Variants in POMGNT1 observed in about 807,000 individuals in gnomAD.
The protein encoded by POMGNT1 is protein O-linked mannose N-acetylglucosaminyltransferase 1 (beta 1,2-).
POMGNT1 carries 67 observed loss-of-function variants against 95.6 expected under a neutral mutation model. The ratio of observed to expected loss-of-function variants is 0.70; its 90% CI spans 0.58 to 0.86. POMGNT1 has a LOEUF of 0.86. POMGNT1 is among the 40% of genes least tolerant of loss of function. The probability of loss-of-function intolerance (pLI) is 0.00; values close to 1 mark genes in which losing one functional copy is unlikely to be tolerated. For missense variants in POMGNT1, 719 were observed against 855.2 expected, an observed-to-expected ratio of 0.84 and a Z score of 1.99; for synonymous variants, 298 against 317.9, an observed-to-expected ratio of 0.94 and a Z score of 0.66.
Position 46,194,598 on chromosome 1 carries a change from C to A in POMGNT1, c.706G>T (p.Asp236Tyr), listed in dbSNP as rs201525710. 6.2e-7 allele frequency: 1 copy of A among 1,614,170 alleles called. No individual in the cohort carries two copies. Among genetic ancestry groups the A allele is most frequent in the Non-Finnish European group, 8.5e-7 (1 of 1,180,018 alleles). The change falls in exon 8 of 22, where the codon GAC becomes TAC. Residue 236 changes from aspartate (D) to tyrosine (Y), a missense_variant. Asp to Tyr is a radical substitution (Grantham distance 160, BLOSUM62 -3). Coordinates refer to ENST00000371984, the MANE Select transcript of POMGNT1 (RefSeq NM_017739.4). ...ACATCTGTCTTCAGCAGGACTGGGT[C>A]CCCCCAGGAAGAGAGGGCAGGTGAT... The part of the protein sequence containing the change: ...SKSPALSSWG[D>Y]PVLLKTDVPL...
At chr1:46,203,585 C>T (rs1658617755) in intron 1 of POMGNT1, 6 of 1,585,228 alleles carry the variant, frequency 3.8e-6, no homozygotes, top group African/African-American at 1.4e-5. Flanking sequence ...GCACCGGCCA[C>T]GACTTGGGGG....
intron 1 of POMGNT1, among the ~76,000 whole-genome samples, chr1:46,205,987 T>TA (rs1408998543): frequency 6.6e-6 from 1 of 152,228 alleles, no homozygotes; most frequent in African/African-American, 2.4e-5. Flanking sequence ...GTCCTGCCTC[T>TA]AGGCCTCGTC....
chr1:46,189,835 G>T lies in POMGNT1; in HGVS notation c.1785+19C>A, dbSNP rs374338433. 38 of 1,613,348 alleles carry T rather than the reference G, an allele frequency of 2.4e-5. No homozygotes were observed. The highest frequency in any genetic ancestry group is 2.9e-5 in the Non-Finnish European group (34 of 1,179,974). ...GTGAGGGGGAGGGGTTCTCCAGGGTGGGCATGGTATTGGAGCACCTTGGCA... is the reference window on the plus strand; with the variant it reads ...GTGAGGGGGAGGGGTTCTCCAGGGTTGGCATGGTATTGGAGCACCTTGGCA... On this transcript the variant is annotated intron_variant, in intron 20 of 21. Transcript: ENST00000371984.
intron 20 of POMGNT1, 109 bp from the exon 21 acceptor site, chr1:46,189,676 T>G: frequency 6.5e-7 from 1 of 1,550,064 alleles, no homozygotes; most frequent in Non-Finnish European, 8.7e-7. Flanking sequence ...CACCTCAATT[T>G]GTAAGAGATA....
intron 1 of POMGNT1, among the ~76,000 whole-genome samples, chr1:46,215,119 G>T (rs1032932863): frequency 1.3e-5 from 2 of 151,598 alleles, no homozygotes; most frequent in African/African-American, 4.8e-5. Flanking sequence ...CCAGCTGCTT[G>T]GGAGGCTGAG....
rs1353431801 is a variant in POMGNT1 at position 46,188,990 on chromosome 1, G to A, written c.*280C>T. 2 of 1,604,510 alleles carry A rather than the reference G, an allele frequency of 1.2e-6. No individual in the cohort carries two copies. Among genetic ancestry groups the A allele is most frequent in the Non-Finnish European group, 1.7e-6 (2 of 1,174,734 alleles). On this transcript the variant is annotated 3_prime_UTR_variant, in exon 22 of 22. Transcript: ENST00000371984. ...AGATTCTGAGCCAGGCCTGGAAAGT[G>A]AGGGTATTCAAAGGGCAGGATGAGC... is the stretch of plus-strand genomic sequence containing the variant.
chr1:46,208,611 G>A (rs181113573), intron 1 of POMGNT1, among the ~76,000 whole-genome samples: 9 of 152,304 alleles, frequency 5.9e-5, no homozygotes, highest in South Asian at 2.1e-4. Flanking sequence ...GGGAGGCCGA[G>A]GCGGGCGGAT....
At chr1:46,199,933 G>A (rs931107223), upstream of POMGNT1, among the ~76,000 whole-genome samples, 1 of 152,194 alleles carries the variant, frequency 6.6e-6, no homozygotes, top group African/African-American at 2.4e-5. Context: ...AGGTTGGGAG[G>A]CCGAGGTGGG....
At chr1:46,220,095 T>C (rs764417016) in exon 1 of POMGNT1, 3 of 1,614,206 alleles carry the variant, frequency 1.9e-6, no homozygotes, top group Non-Finnish European at 2.5e-6. Flanking sequence ...GAGAGCTGTG[T>C]GGAAGCCCCC....
chr1:46,203,323 G>C, upstream of POMGNT1: 1 of 982,692 alleles, frequency 1.0e-6, no homozygotes, highest in Non-Finnish European at 1.4e-6. Context: ...CCGCGCGGGC[G>C]GGGACCCACC....
chr1:46,202,908 G>GGGGGA (rs1553164811), upstream of POMGNT1, among the ~76,000 whole-genome samples: 1 of 104,018 alleles, frequency 9.6e-6, no homozygotes, highest in African/African-American at 4.0e-5. Context: ...CTAGCCCCTG[G>GGGGGA]GGGGGGGGGG....
intron 2 of POMGNT1, 143 bp from the exon 3 acceptor site, chr1:46,197,227 CCT>C: frequency 1.3e-6 from 2 of 1,569,676 alleles, no homozygotes; most frequent in Non-Finnish European, 1.7e-6. Flanking sequence ...GCTCTACTCC[CCT>C]GACCAGGGCC....
chr1:46,195,405 T>C, intron 6 of POMGNT1: 1 of 374,210 alleles, frequency 2.7e-6, no homozygotes, highest in Admixed American at 3.8e-5. Context: ...TGCTCACATA[T>C]CATCTCCTTG....
At position 46,188,737 on chromosome 1, in the gene POMGNT1, C is replaced by T. The variant is rs936298638; in HGVS notation, c.*533G>A. 13 of 1,607,258 alleles carry T rather than the reference C, an allele frequency of 8.1e-6. No homozygotes were observed. The highest frequency in any genetic ancestry group is 1.1e-5 in the Non-Finnish European group (13 of 1,176,062). Reference sequence around the variant, plus strand: ...GACCAACTTATCCAGCTTTGGAAATCTGGACAAAGAGAAGGCTGAGAGGAG... The same window carrying T: ...GACCAACTTATCCAGCTTTGGAAATTTGGACAAAGAGAAGGCTGAGAGGAG... On this transcript the variant is annotated 3_prime_UTR_variant, in exon 22 of 22. Coordinates refer to ENST00000371984, the MANE Select transcript of POMGNT1 (RefSeq NM_017739.4).
intron 19 of POMGNT1, 149 bp downstream of exon 19, chr1:46,190,324 G>T: frequency 1.9e-6 from 2 of 1,067,696 alleles, no homozygotes; most frequent in South Asian, 2.5e-5. Context: ...GATTACAGGC[G>T]TGAGCCACCG....
At chr1:46,211,487 A>G (rs1490463198) in intron 1 of POMGNT1, among the ~76,000 whole-genome samples, 1 of 151,382 alleles carries the variant, frequency 6.6e-6, no homozygotes, top group Non-Finnish European at 1.5e-5. Context: ...ACACAGTAAT[A>G]TCACAACTAG....
intron 1 of POMGNT1, among the ~76,000 whole-genome samples, chr1:46,208,302 A>C (rs766764871): frequency 6.6e-6 from 1 of 152,122 alleles, no homozygotes; most frequent in Non-Finnish European, 1.5e-5. Context: ...AACCACACTG[A>C]ATTTTAAGTG....
At chr1:46,214,337 TTC>T (rs1002131362) in intron 1 of POMGNT1, among the ~76,000 whole-genome samples, 2 of 148,700 alleles carry the variant, frequency 1.3e-5, no homozygotes, top group Non-Finnish European at 3.0e-5. Flanking sequence ...CAGAATGACA[TTC>T]TGTCTCAAAA....
Position 46,194,912 on chromosome 1 carries a change from C to A in POMGNT1, c.584G>T (p.Ser195Ile). 6.2e-7 allele frequency: 1 copy of A among 1,614,170 alleles called. No homozygotes were observed. The highest frequency in any genetic ancestry group is 8.5e-7 in the Non-Finnish European group (1 of 1,180,054). The change falls in exon 7 of 22, where the codon AGC (serine) becomes ATC (isoleucine). Residue 195 changes from serine (S) to isoleucine (I), a missense_variant. Coordinates refer to ENST00000371984, the MANE Select transcript of POMGNT1 (RefSeq NM_017739.4). ...GGCAGGGCCAGCCTGGCTGCCCAGG[C>A]TCCTCAGCAGAGCCTTGGCTGTGTC... ...LKDTAKALLR[S>I]LGSQAGPALG...
Sources: allele counts gnomAD v4.1 joint callset (sites outside exome capture counted in the v4.1 genomes callset), GRCh38; gene constraint gnomAD v4.1.1; transcripts MANE v1.5; gene names NCBI Gene and HGNC (gene_info 2026-07-23, HGNC 2026-07-21).